Variants in EPHA5 observed in about 807,000 individuals in gnomAD.
EPHA5 encodes EPH receptor A5, also known as ephrin type-A receptor 5.
EPHA5 carries 60 observed loss-of-function variants against 105.0 expected under a neutral mutation model. That is an observed-to-expected ratio of 0.57 (90% CI 0.46 to 0.71). EPHA5 has a LOEUF of 0.71. Ranked by LOEUF, EPHA5 falls within the 30% of genes least tolerant of loss-of-function variation. The pLI is 0.00. For missense variants in EPHA5, 1,218 were observed against 1,274.7 expected (o/e 0.96, Z 0.68); for synonymous variants, 513 against 449.1 (o/e 1.14, Z -1.80).
intron 4 of EPHA5, among the ~76,000 whole-genome samples, chr4:65,494,053 C>A (rs994647854): frequency 2.0e-5 from 3 of 152,134 alleles, no homozygotes; most frequent in Non-Finnish European, 2.9e-5. Context: ...TAGTTTATAT[C>A]TTCTCCATTG....
At chr4:65,649,338 A>G (rs191355333) in intron 1 of EPHA5, among the ~76,000 whole-genome samples, 24 of 152,286 alleles carry the variant, frequency 1.6e-4, no homozygotes, top group Middle Eastern at 3.4e-3. Flanking sequence ...CTGGACATCC[A>G]AAGACTCTAA....
chr4:65,614,651 A>ATACATTTAACTGACTGTT (rs1745066739), intron 2 of EPHA5, among the ~76,000 whole-genome samples: 1 of 151,870 alleles, frequency 6.6e-6, no homozygotes, highest in African/African-American at 2.4e-5. Context: ...CTAATGCTTC[A>ATACATTTAACTGACTGTT]TACATTTAAC....
chr4:65,385,208 G>T (rs960657712), intron 8 of EPHA5, among the ~76,000 whole-genome samples: 25 of 151,656 alleles, frequency 1.6e-4, no homozygotes, highest in Admixed American at 1.4e-3. Context: ...TTAAAAATAT[G>T]AGTGGGTTCA....
chr4:65,457,050 C>T (rs1173552765), intron 5 of EPHA5, among the ~76,000 whole-genome samples: 2 of 145,532 alleles, frequency 1.4e-5, no homozygotes, highest in African/African-American at 4.9e-5. Flanking sequence ...GAACTGACCT[C>T]CTTATACTTA....
chr4:65,469,546 C>A (rs1027135275), intron 5 of EPHA5, among the ~76,000 whole-genome samples: 1 of 151,978 alleles, frequency 6.6e-6, no homozygotes, highest in Non-Finnish European at 1.5e-5. Context: ...GCTGAGACAC[C>A]TTTAGCATCT....
intron 2 of EPHA5, among the ~76,000 whole-genome samples, chr4:65,639,316 G>T (rs1197798472): frequency 6.6e-6 from 1 of 152,166 alleles, no homozygotes; most frequent in African/African-American, 2.4e-5. Context: ...ACTTATTTGA[G>T]AATGTGTTAG....
intron 16 of EPHA5, among the ~76,000 whole-genome samples, chr4:65,325,962 C>T (rs1720033697): frequency 6.7e-6 from 1 of 149,962 alleles, no homozygotes; most frequent in South Asian, 2.1e-4. Flanking sequence ...TGTCAATTTC[C>T]CCTTAGTGAC....
chr4:65,340,636 G>A (rs1479751369), intron 14 of EPHA5, among the ~76,000 whole-genome samples: 26 of 152,122 alleles, frequency 1.7e-4, no homozygotes, highest in Non-Finnish European at 4.4e-5. Flanking sequence ...ATCAACTATA[G>A]CTACAGGCTG....
chr4:65,656,980 C>T (rs541543794), intron 1 of EPHA5, among the ~76,000 whole-genome samples: 18 of 145,358 alleles, frequency 1.2e-4, no homozygotes, highest in African/African-American at 3.1e-4. Flanking sequence ...AGAAATAGTT[C>T]ATTTAAAACG....
At chr4:65,339,742 A>C (rs2148821445) in intron 14 of EPHA5, among the ~76,000 whole-genome samples, 1 of 152,216 alleles carries the variant, frequency 6.6e-6, no homozygotes, top group South Asian at 2.1e-4. Flanking sequence ...ACAAGGTGGG[A>C]AACAACCTTG....
At position 65,551,413 on chromosome 4, in the gene EPHA5, C is replaced by G. The variant is rs182842808; in HGVS notation, c.910+50228G>C. ...GTAAAACAGAATGGTTCCAGGAAAA[C>G]CAGAATGTATATCTAACCTTTGAAA... On this transcript the variant is annotated intron_variant, in intron 3 of 16. Transcript: ENST00000613740. Among the ~76,000 whole-genome samples, 19 of 151,752 alleles carry G rather than the reference C, an allele frequency of 1.3e-4. No homozygotes were observed. The East Asian group carries it at 3.1e-3, about 25-fold the overall frequency.
intron 1 of EPHA5, among the ~76,000 whole-genome samples, chr4:65,668,320 T>C (rs1037347755): frequency 4.6e-5 from 7 of 152,122 alleles, no homozygotes; most frequent in Admixed American, 3.9e-4. Flanking sequence ...GCTTCATCTT[T>C]CCGGTCTAGT....
At chr4:65,542,743 C>A (rs1413448799) in intron 3 of EPHA5, among the ~76,000 whole-genome samples, 1 of 140,396 alleles carries the variant, frequency 7.1e-6, no homozygotes, top group Non-Finnish European at 1.5e-5. Flanking sequence ...CATCTTGATA[C>A]CAAAACCTGG....
intron 2 of EPHA5, among the ~76,000 whole-genome samples, chr4:65,616,684 A>G (rs527290454): frequency 2.0e-5 from 3 of 152,200 alleles, no homozygotes; most frequent in African/African-American, 7.2e-5. Flanking sequence ...TGAATGGAGT[A>G]AATGAAGCCT....
At position 65,336,084 on chromosome 4, in the gene EPHA5, G is replaced by A. The variant is rs148284158; in HGVS notation, c.2637C>T (p.Pro879=). Reference sequence around the variant, plus strand: ...GATAGAGAGCAGCAGGACAATCCATGGGGCTTGGCAGACGATAGCCTTCCT... The same window carrying A: ...GATAGAGAGCAGCAGGACAATCCATAGGGCTTGGCAGACGATAGCCTTCCT... ...AVEEGYRLPS[P]MDCPAALYQL... The change falls in exon 15 of 17, where the codon CCC becomes CCT. Residue 879 remains proline, a synonymous_variant. Transcript: ENST00000613740. The A allele has an allele frequency of 2.9e-5, 46 of 1,612,206 alleles. 1 individual carries two copies. In the South Asian group the frequency reaches 4.5e-4, roughly 16 times the overall value.
intron 4 of EPHA5, among the ~76,000 whole-genome samples, chr4:65,493,189 G>A (rs1731586812): frequency 1.3e-5 from 2 of 152,018 alleles, no homozygotes; most frequent in Non-Finnish European, 2.9e-5. Flanking sequence ...AAAAGTGGAA[G>A]CTCGAACTAA....
rs1235478769 is a variant in EPHA5 at position 65,320,964 on chromosome 4, A to G, written c.*3150T>C. On this transcript the variant is annotated 3_prime_UTR_variant, in exon 17 of 17. Coordinates refer to ENST00000613740, the MANE Select transcript of EPHA5 (RefSeq NM_001281766.3). ...AGATCATGCACATTACAATTTTAAAACATAGGAAAATCAAAATCTTTACAT... is the reference window on the plus strand; with the variant it reads ...AGATCATGCACATTACAATTTTAAAGCATAGGAAAATCAAAATCTTTACAT... 4.3e-6 allele frequency: 1 copy of G among 230,346 alleles called. No homozygotes were observed. The highest frequency in any genetic ancestry group is 8.6e-6 in the Non-Finnish European group (1 of 116,240). The allele number at this position is 230,346 out of a possible 1,614,324, so 14.3% of individuals were successfully genotyped here.
chr4:65,470,215 CAG>C (rs1323868722), intron 5 of EPHA5, among the ~76,000 whole-genome samples: 2 of 147,682 alleles, frequency 1.4e-5, no homozygotes, highest in Non-Finnish European at 3.0e-5. Context: ...TTTCTTGAGA[CAG>C]AGTCTCGCTC....
intron 3 of EPHA5, among the ~76,000 whole-genome samples, chr4:65,565,921 T>G (rs1251776229): frequency 1.3e-5 from 2 of 151,696 alleles, no homozygotes; most frequent in Non-Finnish European, 3.0e-5. Context: ...TATCTCATTT[T>G]TTTCCTCCCT....
Sources: allele counts gnomAD v4.1 joint callset (sites outside exome capture counted in the v4.1 genomes callset), GRCh38; gene constraint gnomAD v4.1.1; transcripts MANE v1.5; gene names NCBI Gene and HGNC (gene_info 2026-07-23, HGNC 2026-07-21).